PACSIN1: variants seen among roughly 807,000 people sequenced by gnomAD.
PACSIN1 encodes the protein protein kinase C and casein kinase substrate in neurons protein 1.
In PACSIN1, 15 loss-of-function variants were observed where a neutral mutation model predicts 59.5. The observed-to-expected ratio is 0.25, with a 90% confidence interval of 0.17 to 0.39. The LOEUF is 0.39. Ranked by LOEUF, PACSIN1 falls within the 10% of genes least tolerant of loss-of-function variation. The pLI is 1.00. For missense variants in PACSIN1, 420 were observed against 580.2 expected (o/e 0.72, Z 2.84); for synonymous variants, 210 against 220.6 (o/e 0.95, Z 0.42).
intron 1 of PACSIN1, among the ~76,000 whole-genome samples, chr6:34,478,369 CTTTT>C (rs35124068): frequency 5.9e-5 from 4 of 67,886 alleles, no homozygotes; most frequent in South Asian, 6.6e-4. Context: ...TATTTATCTT[CTTTT>C]TTTTTTTTTT....
chr6:34,521,777 C>T lies in PACSIN1; in HGVS notation c.-63-4466C>T, dbSNP rs568644465. Among the ~76,000 whole-genome samples, 4 of 151,830 alleles carry T rather than the reference C, an allele frequency of 2.6e-5. No homozygotes were observed. The highest frequency in any genetic ancestry group is 2.0e-4 in the East Asian group (1 of 5,124). ...TGGAGAGCTCGCCGTGTGTCAGGCG[C>T]GGTCCAGTGGCCCGAGGTCTAGTGC... On this transcript the variant is annotated intron_variant, in intron 1 of 9. Coordinates refer to ENST00000244458, the MANE Select transcript of PACSIN1 (RefSeq NM_020804.5). This position sits in a 1 kb window ranked among gnomAD's most constrained non-coding sequence, Gnocchi z 4.3.
Position 34,525,924 on chromosome 6 carries a change from G to C in PACSIN1, c.-63-319G>C, listed in dbSNP as rs1342915354. 6.6e-6 allele frequency among the ~76,000 whole-genome samples: 1 copy of C among 152,102 alleles called. No homozygotes were observed. Among genetic ancestry groups the C allele is most frequent in the Non-Finnish European group, 1.5e-5 (1 of 68,002 alleles). ...CCGGGGCTCAGATAACTGAGGAGGC[G>C]CTGAGCCTGGGCTCCAACAGTCCAG... On this transcript the variant is annotated intron_variant, in intron 1 of 9. Coordinates refer to ENST00000244458, the MANE Select transcript of PACSIN1 (RefSeq NM_020804.5). This position sits in a 1 kb window ranked among gnomAD's most constrained non-coding sequence, Gnocchi z 4.9.
Position 34,532,397 on chromosome 6 carries a change from C to T in PACSIN1, c.1226-24C>T. On this transcript the variant is annotated intron_variant, in intron 9 of 9. Transcript: ENST00000244458. This position sits in a 1 kb window ranked among gnomAD's most constrained non-coding sequence, Gnocchi z 5.2. The stretch of plus-strand genomic sequence containing the variant: ...GGGAGGGGCAGCCTTCTCTCTGAGC[C>T]CCTCCCTGTGTTCTCTTTCCCAGGA... 2.0e-6 allele frequency: 3 copies of T among 1,496,914 alleles called. No homozygotes were observed. Among genetic ancestry groups the T allele is most frequent in the East Asian group, 2.4e-5 (1 of 40,906 alleles). The allele number at this position is 1,496,914 out of a possible 1,614,324, so 92.7% of individuals were successfully genotyped here.
At chr6:34,474,658 C>A (rs765163411) in intron 1 of PACSIN1, among the ~76,000 whole-genome samples, 4 of 151,840 alleles carry the variant, frequency 2.6e-5, no homozygotes, top group Non-Finnish European at 4.4e-5. Flanking sequence ...GGTGTGATGG[C>A]ACACACCTGT....
At chr6:34,501,944 G>A (rs754723246) in intron 1 of PACSIN1, among the ~76,000 whole-genome samples, 20 of 148,752 alleles carry the variant, frequency 1.3e-4, no homozygotes, top group Non-Finnish European at 2.5e-4. Context: ...AGGCAGAAGA[G>A]TCTCTTGAAC....
intron 1 of PACSIN1, among the ~76,000 whole-genome samples, chr6:34,495,260 G>A (rs1253406923): frequency 6.6e-6 from 1 of 152,136 alleles, no homozygotes; most frequent in African/African-American, 2.4e-5. Context: ...TTGGTTGTTG[G>A]AAATGGTGAC....
chr6:34,496,321 C>T (rs1454742312), intron 1 of PACSIN1, among the ~76,000 whole-genome samples: 1 of 151,868 alleles, frequency 6.6e-6, no homozygotes, highest in Non-Finnish European at 1.5e-5. Flanking sequence ...GATTTCCTCC[C>T]TACAGTGGGG....
At chr6:34,504,358 C>A (rs3997766) in intron 1 of PACSIN1, among the ~76,000 whole-genome samples, 52,001 of 148,872 alleles carry the variant, frequency 0.35, 10,809 homozygotes, top group Middle Eastern at 0.52. Flanking sequence ...GTGGTGCGAT[C>A]TAGGCTCACT....
At chr6:34,519,608 G>A (rs538709075) in intron 1 of PACSIN1, among the ~76,000 whole-genome samples, 1 of 152,204 alleles carries the variant, frequency 6.6e-6, no homozygotes, top group South Asian at 2.1e-4. Context: ...CTGTCATGAA[G>A]GCTCTGTAGC....
rs1190537918 is a variant in PACSIN1 at position 34,525,418 on chromosome 6, C to T, written c.-63-825C>T. The stretch of plus-strand genomic sequence containing the variant: ...GACCCCCAGGTTGGGCTGAATCTTA[C>T]AGAGGCCAGCCTTCCCTGAGCATCC... On this transcript the variant is annotated intron_variant, in intron 1 of 9. Coordinates refer to ENST00000244458, the MANE Select transcript of PACSIN1 (RefSeq NM_020804.5). The surrounding 1 kb of genome is among the most constrained non-coding windows in gnomAD (Gnocchi z 4.9). Among the ~76,000 whole-genome samples, 1 of 152,248 alleles carries T rather than the reference C, an allele frequency of 6.6e-6. No homozygotes were observed. Among genetic ancestry groups the T allele is most frequent in the East Asian group, 1.9e-4 (1 of 5,198 alleles).
chr6:34,469,004 C>T (rs115671410), intron 1 of PACSIN1, among the ~76,000 whole-genome samples: 1,557 of 152,248 alleles, frequency 0.01, 18 homozygotes, highest in South Asian at 0.015. Flanking sequence ...GAAGTTTGCA[C>T]GTATCCCCAC....
chr6:34,499,176 A>T (rs1277988092), intron 1 of PACSIN1, among the ~76,000 whole-genome samples: 1 of 152,056 alleles, frequency 6.6e-6, no homozygotes, highest in Non-Finnish European at 1.5e-5. Flanking sequence ...ATCATCAGGC[A>T]TTAGATTCTC....
intron 1 of PACSIN1, among the ~76,000 whole-genome samples, chr6:34,483,738 C>T (rs993306788): frequency 7.5e-5 from 11 of 146,252 alleles, no homozygotes; most frequent in African/African-American, 1.3e-4. Flanking sequence ...CTCCGCCTCC[C>T]GGGTTCACAT....
At chr6:34,495,352 T>G (rs1020790219) in intron 1 of PACSIN1, among the ~76,000 whole-genome samples, 6 of 152,126 alleles carry the variant, frequency 3.9e-5, no homozygotes, top group African/African-American at 1.4e-4. Context: ...ATGATTGGAA[T>G]CACATGAAGG....
intron 1 of PACSIN1, among the ~76,000 whole-genome samples, chr6:34,493,631 G>C (rs1766908459): frequency 6.6e-6 from 1 of 152,226 alleles, no homozygotes; most frequent in Admixed American, 6.5e-5. Context: ...TGATTCTGTT[G>C]TGAACCCTGG....
In PACSIN1 at chr6:34,534,235, A is replaced by C. The variant is rs1016815161; in HGVS notation, c.*1705A>C. On this transcript the variant is annotated 3_prime_UTR_variant, in exon 10 of 10. Coordinates refer to ENST00000244458, the MANE Select transcript of PACSIN1 (RefSeq NM_020804.5). ...CAGCCTCAAGGCTCTGACCTTCTTC[A>C]TGTGGGCACAGAGGGTCCTGACACT... The C allele has an allele frequency of 6.6e-6, 1 of 152,246 alleles. No homozygotes were observed. Among genetic ancestry groups the C allele is most frequent in the African/African-American group, 2.4e-5 (1 of 41,422 alleles). 9.4% of individuals were successfully genotyped at this position (152,246 alleles called of 1,614,324 possible). A position where few individuals can be genotyped will look rare whatever the true frequency, so the allele number is the denominator to read the frequency against.
Position 34,471,861 on chromosome 6 carries a change from G to A in PACSIN1, c.-64+5591G>A, listed in dbSNP as rs77797992. Among the ~76,000 whole-genome samples, 445 of 152,328 alleles carry A rather than the reference G, an allele frequency of 2.9e-3. 3 individuals are homozygous for A. Among genetic ancestry groups the A allele is most frequent in the Middle Eastern group, 6.8e-3 (2 of 294 alleles). Reference sequence around the variant, plus strand: ...TGACAAAGTCAAGACCTCTTTGTACGCTGTGATTTCGGGCAGTTGTTCGTT... The same window carrying A: ...TGACAAAGTCAAGACCTCTTTGTACACTGTGATTTCGGGCAGTTGTTCGTT... On this transcript the variant is annotated intron_variant, in intron 1 of 9. Coordinates refer to ENST00000244458, the MANE Select transcript of PACSIN1 (RefSeq NM_020804.5).
Position 34,518,037 on chromosome 6 carries a change from T to C in PACSIN1, c.-63-8206T>C, listed in dbSNP as rs1409356204. Reference sequence around the variant, plus strand: ...GATGATGCCCACCTACCTGAGCCATTGCCTCAGGGACATTGGGTTGGACAG... The same window carrying C: ...GATGATGCCCACCTACCTGAGCCATCGCCTCAGGGACATTGGGTTGGACAG... On this transcript the variant is annotated intron_variant, in intron 1 of 9. Coordinates refer to ENST00000244458, the MANE Select transcript of PACSIN1 (RefSeq NM_020804.5). The surrounding 1 kb of genome is among the most constrained non-coding windows in gnomAD (Gnocchi z 4.4). 6.6e-6 allele frequency among the ~76,000 whole-genome samples: 1 copy of C among 152,220 alleles called. No individual in the cohort carries two copies. The highest frequency in any genetic ancestry group is 1.5e-5 in the Non-Finnish European group (1 of 68,036).
Position 34,526,238 on chromosome 6 carries a change from C to T in PACSIN1, c.-63-5C>T, listed in dbSNP as rs1479517900. 4.5e-6 allele frequency: 6 copies of T among 1,331,642 alleles called. No homozygotes were observed. Among genetic ancestry groups the T allele is most frequent in the Non-Finnish European group, 6.4e-6 (6 of 932,024 alleles). 82.5% of individuals were successfully genotyped at this position (1,331,642 alleles called of 1,614,324 possible). ...TCTCCAGGGATCTCTCTCCTGCCCTCCCAGTGCATGAGCAGCCGAGCCTGC... is the reference window on the plus strand; with the variant it reads ...TCTCCAGGGATCTCTCTCCTGCCCTTCCAGTGCATGAGCAGCCGAGCCTGC... On this transcript the variant is annotated splice_polypyrimidine_tract_variant and splice_region_variant and intron_variant, in intron 1 of 9. Coordinates refer to ENST00000244458, the MANE Select transcript of PACSIN1 (RefSeq NM_020804.5).
Sources: allele counts gnomAD v4.1 joint callset (sites outside exome capture counted in the v4.1 genomes callset), GRCh38; gene constraint gnomAD v4.1.1; non-coding constraint Gnocchi (gnomAD v3.1); transcripts MANE v1.5; gene names NCBI Gene and HGNC (gene_info 2026-07-23, HGNC 2026-07-21).